Variants in IGSF10 observed in about 807,000 individuals in gnomAD.
IGSF10 encodes the protein calvaria mechanical force protein 608.
IGSF10 carries 126 observed loss-of-function variants against 128.2 expected under a neutral mutation model. The observed-to-expected ratio is 0.98, with a 90% CI of 0.85 to 1.14. IGSF10 has a LOEUF of 1.14. Ranked by LOEUF, IGSF10 falls within the 50% of genes most tolerant of loss-of-function variation. The pLI, the probability that IGSF10 is intolerant of heterozygous loss-of-function variation, is 0.00. For synonymous variants in IGSF10, 1,185 were observed against 1,146.2 expected, an observed-to-expected ratio of 1.03 and a Z score of -0.68; for missense variants, 3,295 against 3,149.8, an observed-to-expected ratio of 1.05 and a Z score of -1.10.
At chr3:151,480,636 C>G in the IGSF10 span, among the ~76,000 whole-genome samples, 1 of 151,980 alleles carries the variant, frequency 6.6e-6, no homozygotes, top group Admixed American at 6.5e-5. Flanking sequence ...GCTCGGCTGC[C>G]ACTGCACCAT....
At chr3:151,565,482 T>C in the IGSF10 span, among the ~76,000 whole-genome samples, 1 of 152,042 alleles carries the variant, frequency 6.6e-6, no homozygotes, top group Non-Finnish European at 1.5e-5. Flanking sequence ...AAGGTGAACA[T>C]TGTCAAAATT....
the IGSF10 span, among the ~76,000 whole-genome samples, chr3:151,471,397 T>C: frequency 2.6e-5 from 4 of 152,192 alleles, no homozygotes; most frequent in Non-Finnish European, 4.4e-5. Flanking sequence ...CCTGAATTAA[T>C]ACTTTTTTAT....
chr3:151,596,465 T>C, the IGSF10 span, among the ~76,000 whole-genome samples: 2 of 135,022 alleles, frequency 1.5e-5, no homozygotes, highest in Middle Eastern at 3.6e-3. Context: ...AAAACAAAGA[T>C]ATTATGGTGT....
At chr3:151,508,446 A>G in the IGSF10 span, among the ~76,000 whole-genome samples, 1 of 152,122 alleles carries the variant, frequency 6.6e-6, no homozygotes, top group Non-Finnish European at 1.5e-5. Context: ...CGCAAAAAGG[A>G]AAAAAAGTGT....
At chr3:151,451,185 C>A (rs1721494262) in intron 5 of IGSF10, among the ~76,000 whole-genome samples, 1 of 152,172 alleles carries the variant, frequency 6.6e-6, no homozygotes, top group Non-Finnish European at 1.5e-5. Flanking sequence ...CATTCCTCAA[C>A]CCTGCCATGC....
chr3:151,456,458 T>C (rs907761266), intron 4 of IGSF10, among the ~76,000 whole-genome samples: 2 of 152,222 alleles, frequency 1.3e-5, no homozygotes, highest in African/African-American at 2.4e-5. Flanking sequence ...GTCCTACTTA[T>C]AGCAGACTTA....
chr3:151,563,583 T>C, the IGSF10 span, among the ~76,000 whole-genome samples: 2 of 152,268 alleles, frequency 1.3e-5, no homozygotes, highest in African/African-American at 4.8e-5. Flanking sequence ...TTTCCTTCTG[T>C]TAGAATTATA....
the IGSF10 span, among the ~76,000 whole-genome samples, chr3:151,547,536 G>C: frequency 6.6e-6 from 1 of 151,878 alleles, no homozygotes; most frequent in Non-Finnish European, 1.5e-5. Context: ...TTAATATCAT[G>C]TTTGTGAAAC....
chr3:151,571,790 T>C, the IGSF10 span, among the ~76,000 whole-genome samples: 1 of 152,216 alleles, frequency 6.6e-6, no homozygotes, highest in African/African-American at 2.4e-5. Flanking sequence ...GGCATCCCTG[T>C]CTTGTGCCAG....
the IGSF10 span, among the ~76,000 whole-genome samples, chr3:151,533,858 T>C: frequency 1.3e-5 from 2 of 152,152 alleles, no homozygotes; most frequent in Non-Finnish European, 2.9e-5. Flanking sequence ...ATCATCAGAG[T>C]GAACAGGCGA....
upstream of IGSF10, chr3:151,461,127 A>G: frequency 2.0e-6 from 2 of 985,386 alleles, no homozygotes; most frequent in Non-Finnish European, 2.4e-6. Context: ...GGGGCTCAGC[A>G]GCACAAGGAT....
At chr3:151,435,744 A>T (rs1386392191), downstream of IGSF10, 1 of 152,218 alleles carries the variant, frequency 6.6e-6, no homozygotes, top group African/African-American at 2.4e-5. Context: ...AGGTTGAATT[A>T]AGCATGTAAT....
chr3:151,616,553 T>C, the IGSF10 span, among the ~76,000 whole-genome samples: 1 of 152,232 alleles, frequency 6.6e-6, no homozygotes, highest in Non-Finnish European at 1.5e-5. Context: ...CTTTAAAGGA[T>C]ATTTTAAACA....
At position 151,445,123 on chromosome 3, in the gene IGSF10, C is replaced by T. The variant is rs897829794; in HGVS notation, c.4858G>A (p.Asp1620Asn). 2.5e-6 allele frequency: 4 copies of T among 1,614,014 alleles called. No individual in the cohort carries two copies. Among genetic ancestry groups the T allele is most frequent in the African/African-American group, 1.3e-5 (1 of 74,916 alleles). ...WDGQKNTKKS[D>N]FDKKPVQEAT... The stretch of plus-strand genomic sequence containing the variant: ...TCTTGAACTGGTTTCTTATCAAAGT[C>T]ACTCTTCTTTGTGTTCTTCTGTCCA... Residue 1620 changes from aspartate (D) to asparagine (N), a missense_variant, in exon 6 of 8, where the codon GAC becomes AAC. Transcript: ENST00000282466.
the IGSF10 span, among the ~76,000 whole-genome samples, chr3:151,522,221 A>G: frequency 6.6e-6 from 1 of 152,076 alleles, no homozygotes; most frequent in African/African-American, 2.4e-5. Context: ...CCAACCAAAA[A>G]AATCCCAGGA....
At chr3:151,512,471 CG>C in the IGSF10 span, among the ~76,000 whole-genome samples, 11 of 151,950 alleles carry the variant, frequency 7.2e-5, no homozygotes, top group East Asian at 1.9e-3. Flanking sequence ...CAGTGTGTAT[CG>C]GGAAGTTTAT....
chr3:151,461,159 T>C (rs1181945352), upstream of IGSF10: 1 of 985,292 alleles, frequency 1.0e-6, no homozygotes, highest in Non-Finnish European at 1.2e-6. Flanking sequence ...ACCGGGCCCC[T>C]CTTTATGTTT....
At chr3:151,528,460 T>C in the IGSF10 span, among the ~76,000 whole-genome samples, 46 of 152,332 alleles carry the variant, frequency 3.0e-4, no homozygotes, top group African/African-American at 1.0e-3. Flanking sequence ...CCAGCAAGAC[T>C]GATGCAGAAG....
upstream of IGSF10, among the ~76,000 whole-genome samples, chr3:151,462,395 A>G (rs1422533703): frequency 1.3e-5 from 2 of 152,234 alleles, no homozygotes; most frequent in Non-Finnish European, 2.9e-5. Flanking sequence ...AGCCTTCCAT[A>G]TGATTCTGAT....
Sources: gnomAD v4.1 joint callset for allele counts (sites outside exome capture counted in the v4.1 genomes callset) on GRCh38, gnomAD v4.1.1 for gene constraint, MANE v1.5 for transcripts, NCBI Gene and HGNC (gene_info 2026-07-23, HGNC 2026-07-21) for gene names.